The following RAB2B variants were observed in gnomAD, a reference collection of about 807,000 sequenced individuals.
The protein encoded by RAB2B is ras-related protein Rab-2B.
A neutral mutation model predicts 29.8 loss-of-function variants in RAB2B; 20 were observed. That is an observed-to-expected ratio of 0.67 (90% confidence interval 0.47 to 0.97). The LOEUF (loss-of-function observed/expected upper bound fraction) is 0.97, where lower values mean the gene tolerates loss of function less well. Ranked by LOEUF, RAB2B falls within the 50% of genes least tolerant of loss-of-function variation. RAB2B has a pLI of 0.00. For missense variants in RAB2B, 218 were observed against 272.0 expected (o/e 0.80, Z 1.40); for synonymous variants, 93 against 91.7 (o/e 1.01, Z -0.08).
chr14:21,461,747 C>T (rs1396669185), intron 7 of RAB2B, among the ~76,000 whole-genome samples: 2 of 152,136 alleles, frequency 1.3e-5, no homozygotes. Context: ...CCCCTGTGCT[C>T]ATTTTAGAGA....
chr14:21,474,620 T>C (rs1345367076), intron 3 of RAB2B: 10 of 441,740 alleles, frequency 2.3e-5, no homozygotes, highest in African/African-American at 4.0e-5. Context: ...TACTTTCTAT[T>C]CTATAAATTT....
At chr14:21,471,582 C>T (rs966528305) in intron 3 of RAB2B, among the ~76,000 whole-genome samples, 3 of 145,716 alleles carry the variant, frequency 2.1e-5, no homozygotes, top group African/African-American at 7.7e-5. Flanking sequence ...GGTGCCACTG[C>T]ACTCCAGCTT....
At chr14:21,476,299 A>ACCC in intron 2 of RAB2B, 1 of 489,818 alleles carries the variant, frequency 2.0e-6, no homozygotes, top group Non-Finnish European at 3.6e-6. Flanking sequence ...TTATATGACG[A>ACCC]GTCTATACCT....
intron 3 of RAB2B, among the ~76,000 whole-genome samples, chr14:21,471,161 A>G (rs1159984040): frequency 7.0e-6 from 1 of 142,366 alleles, no homozygotes; most frequent in Non-Finnish European, 1.5e-5. Context: ...CAACAGAGTG[A>G]GACTCTGTCT....
intron 6 of RAB2B, among the ~76,000 whole-genome samples, chr14:21,463,248 C>CTTT (rs36047568): frequency 0.023 from 3,200 of 138,486 alleles, 58 homozygotes; most frequent in African/African-American, 0.028. Context: ...GACATTCTTT[C>CTTT]TTTTTTTTTT....
At chr14:21,475,640 C>T (rs1890934902) in intron 2 of RAB2B, among the ~76,000 whole-genome samples, 1 of 152,084 alleles carries the variant, frequency 6.6e-6, no homozygotes, top group South Asian at 2.1e-4. Context: ...TTGCCAGAGG[C>T]ACAATTAAGC....
chr14:21,468,773 C>A, intron 3 of RAB2B, 21 bp from the exon 4 acceptor site: 1 of 1,480,014 alleles, frequency 6.8e-7, no homozygotes. Flanking sequence ...AACATGGCAA[C>A]AAAAAATCCC....
chr14:21,476,373 G>A (rs2139610586), intron 2 of RAB2B, 155 bp downstream of exon 2: 1 of 726,404 alleles, frequency 1.4e-6, no homozygotes, highest in Non-Finnish European at 2.3e-6. Context: ...ACATATCAAC[G>A]TTTCATTGGT....
chr14:21,463,527 A>T, intron 6 of RAB2B, 129 bp downstream of exon 6: 1 of 687,994 alleles, frequency 1.5e-6, no homozygotes, highest in South Asian at 1.8e-5. Context: ...GATTACAGGC[A>T]TGAGCCACCG....
At chr14:21,473,222 CTGTT>C (rs2139605794) in intron 3 of RAB2B, among the ~76,000 whole-genome samples, 1 of 152,300 alleles carries the variant, frequency 6.6e-6, no homozygotes, top group African/African-American at 2.4e-5. Context: ...AATGTGTACA[CTGTT>C]TGCAGATATA....
At position 21,465,236 on chromosome 14, in the gene RAB2B, C is replaced by T. The variant is rs1890660400; in HGVS notation, c.363-1469G>A. Among the ~76,000 whole-genome samples the T allele has an allele frequency of 3.3e-5, 5 of 152,308 alleles. No homozygotes were observed. The South Asian group carries it at 1.0e-3, about 32-fold the overall frequency. The stretch of plus-strand genomic sequence containing the variant: ...TGTCAACCCTCCCAAATTTGTACCT[C>T]TAGCCCAGATGCTTGACTAAGCACC... On this transcript the variant is annotated intron_variant, in intron 5 of 7. Coordinates refer to ENST00000397762, the MANE Select transcript of RAB2B (RefSeq NM_032846.4).
chr14:21,475,574 C>A (rs3762161), intron 2 of RAB2B, among the ~76,000 whole-genome samples: 14,877 of 152,020 alleles, frequency 0.098, 857 homozygotes, highest in Admixed American at 0.21. Context: ...ACCTTACAGG[C>A]ACACGCCACA....
intron 6 of RAB2B, among the ~76,000 whole-genome samples, chr14:21,462,714 C>A (rs1890589805): frequency 6.6e-6 from 1 of 151,778 alleles, no homozygotes; most frequent in Non-Finnish European, 1.5e-5. Flanking sequence ...GTGGCGCATG[C>A]CTGTAATTCC....
chr14:21,476,045 G>A (rs569544938), intron 2 of RAB2B, among the ~76,000 whole-genome samples: 17 of 152,172 alleles, frequency 1.1e-4, no homozygotes, highest in Non-Finnish European at 1.8e-4. Flanking sequence ...TGCGTTTGAG[G>A]AACTGTTAAC....
intron 5 of RAB2B, among the ~76,000 whole-genome samples, chr14:21,466,292 C>T (rs1349974048): frequency 6.6e-6 from 1 of 152,132 alleles, no homozygotes; most frequent in East Asian, 1.9e-4. Context: ...CAAGACCAGC[C>T]TGATCAACAT....
chr14:21,476,577 G>A lies in RAB2B; in HGVS notation c.69C>T (p.Leu23=), dbSNP rs753829120. The stretch of plus-strand genomic sequence containing the variant: ...GGAACCGCTTATCTGTAAACTGCAG[G>A]AGGAGACATGACTTCCCCACACCTG... ...GDTGVGKSCL[L]LQFTDKRFQP... is the part of the protein sequence containing the mutation. The change falls in exon 2 of 8, where the codon CTC becomes CTT. Residue 23 remains leucine, a synonymous_variant. Transcript: ENST00000397762. 97 of 1,613,610 alleles carry A rather than the reference G, an allele frequency of 6.0e-5. 2 individuals carry two copies. The South Asian group carries it at 6.7e-4, about 11-fold the overall frequency.
chr14:21,465,249 T>C (rs2139596248), intron 5 of RAB2B, among the ~76,000 whole-genome samples: 1 of 152,346 alleles, frequency 6.6e-6, no homozygotes, highest in Admixed American at 6.5e-5. Context: ...GCCCAGATGC[T>C]TGACTAAGCA....
In RAB2B at chr14:21,476,517, G is replaced by C; in HGVS notation, c.118+11C>G. The C allele has an allele frequency of 6.2e-7, 1 of 1,613,744 alleles. No individual in the cohort carries two copies. The highest frequency in any genetic ancestry group is 8.5e-7 in the Non-Finnish European group (1 of 1,179,994). On this transcript the variant is annotated intron_variant, in intron 2 of 7. Coordinates refer to ENST00000397762, the MANE Select transcript of RAB2B (RefSeq NM_032846.4). ...TTTATCATCTGTTCTGGAACAAGTA[G>C]ATGCACTTACCTATTGTGAGGTCGT...
intron 1 of RAB2B, 66 bp downstream of exon 1, chr14:21,476,761 C>T (rs1440395188): frequency 1.9e-6 from 3 of 1,603,122 alleles, no homozygotes; most frequent in Non-Finnish European, 2.6e-6. Flanking sequence ...AGCCCCGCCC[C>T]CGCCACCCAA....
Sources: gnomAD v4.1 joint callset for allele counts (sites outside exome capture counted in the v4.1 genomes callset) on GRCh38, gnomAD v4.1.1 for gene constraint, MANE v1.5 for transcripts, NCBI Gene and HGNC (gene_info 2026-07-23, HGNC 2026-07-21) for gene names.